The following KRR1 variants were observed in gnomAD, a reference collection of about 807,000 sequenced individuals.
The protein encoded by KRR1 is KRR1 small subunit processome component homolog.
In KRR1, 23 loss-of-function variants were observed where a neutral mutation model predicts 50.0. That is an observed-to-expected ratio of 0.46 (90% confidence interval 0.33 to 0.65). KRR1 has a LOEUF of 0.65. Ranked by LOEUF, KRR1 falls within the 30% of genes least tolerant of loss-of-function variation. The pLI is 0.02. For missense variants in KRR1, 419 were observed against 442.4 expected (o/e 0.95, Z 0.47); for synonymous variants, 133 against 146.3 (o/e 0.91, Z 0.66).
Position 75,498,512 on chromosome 12 carries a change from C to CTTAAAAATACCAAGTTAA in KRR1, c.*1279_*1296dup. ...TTATAAAGTTTATGTAAAAAGTCAA[C>CTTAAAAATACCAAGTTAA]TTAAAAATACCAAGTTAATTCAGTC... On this transcript the variant is annotated 3_prime_UTR_variant, in exon 10 of 10. Transcript: ENST00000229214. 1.9e-6 allele frequency: 1 copy of CTTAAAAATACCAAGTTAA among 533,316 alleles called. No homozygotes were observed. The highest frequency in any genetic ancestry group is 1.9e-5 in the African/African-American group (1 of 52,052). The allele number at this position is 533,316 out of a possible 1,614,324, so 33.0% of individuals were successfully genotyped here. A position where few individuals can be genotyped will look rare whatever the true frequency, so the allele number is the denominator to read the frequency against.
At position 75,504,629 on chromosome 12, in the gene KRR1, CTT is replaced by C. The variant is rs531907037; in HGVS notation, c.661-557_661-556del. On this transcript the variant is annotated intron_variant, in intron 6 of 9. Transcript: ENST00000229214. ...TCACTTTCCCCCAATCTAACAGTGA[CTT>C]TATAACTTAAGTTCATCAAATTTAA... Among the ~76,000 whole-genome samples, 606 of 152,156 alleles carry C rather than the reference CTT, an allele frequency of 4.0e-3. 2 individuals are homozygous for C. Among genetic ancestry groups the C allele is most frequent in the Non-Finnish European group, 5.4e-3 (369 of 67,940 alleles).
rs1594061636 is a variant in KRR1 at position 75,495,780 on chromosome 12, A to G, written c.*4029T>C. The G allele has an allele frequency of 1.6e-6, 1 of 611,724 alleles. No individual in the cohort carries two copies. Among genetic ancestry groups the G allele is most frequent in the East Asian group, 2.8e-5 (1 of 35,350 alleles). The allele number at this position is 611,724 out of a possible 1,614,324, so 37.9% of individuals were successfully genotyped here. A position where few individuals can be genotyped will look rare whatever the true frequency, so the allele number is the denominator to read the frequency against. On this transcript the variant is annotated 3_prime_UTR_variant, in exon 10 of 10. Transcript: ENST00000229214. ...GGCTATCTTCAAGGAAACTGGCATC[A>G]AGTAGCAATTAAACCAATGGCTTAC...
At position 75,498,741 on chromosome 12, in the gene KRR1, T is replaced by C. The variant is rs1022969224; in HGVS notation, c.*1068A>G. ...CAAACGTACGTACATCAATCTTAAATTGTTTCATTAAGAGCTATGTGAATT... is the reference window on the plus strand; with the variant it reads ...CAAACGTACGTACATCAATCTTAAACTGTTTCATTAAGAGCTATGTGAATT... On this transcript the variant is annotated 3_prime_UTR_variant, in exon 10 of 10. Transcript: ENST00000229214. 4.3e-6 allele frequency: 7 copies of C among 1,609,972 alleles called. No homozygotes were observed. Among genetic ancestry groups the C allele is most frequent in the African/African-American group, 1.3e-5 (1 of 74,796 alleles).
In KRR1 at chr12:75,497,375, T is replaced by C. The variant is rs573710731; in HGVS notation, c.*2434A>G. ...TCCAATAATGAAAACCCTTGGACTCTTGAGAAAACACATGCTAACTTGTAT... is the reference window on the plus strand; with the variant it reads ...TCCAATAATGAAAACCCTTGGACTCCTGAGAAAACACATGCTAACTTGTAT... On this transcript the variant is annotated 3_prime_UTR_variant, in exon 10 of 10. Transcript: ENST00000229214. 1.3e-5 allele frequency: 2 copies of C among 152,326 alleles called. No individual in the cohort carries two copies. The highest frequency in any genetic ancestry group is 4.1e-4 in the South Asian group (2 of 4,824). 9.4% of individuals were successfully genotyped at this position (152,326 alleles called of 1,614,324 possible).
chr12:75,495,428 C>G lies in KRR1; in HGVS notation c.*4381G>C. 1.7e-6 allele frequency: 1 copy of G among 573,660 alleles called. No homozygotes were observed. Among genetic ancestry groups the G allele is most frequent in the East Asian group, 2.8e-5 (1 of 35,304 alleles). 35.5% of individuals were successfully genotyped at this position (573,660 alleles called of 1,614,324 possible). On this transcript the variant is annotated 3_prime_UTR_variant, in exon 10 of 10. Transcript: ENST00000229214. Reference sequence around the variant, plus strand: ...TGCAAATATTAGCAGCCTTCCATTTCTGCCTTCCTGTCTTCACTTCTATTA... The same window carrying G: ...TGCAAATATTAGCAGCCTTCCATTTGTGCCTTCCTGTCTTCACTTCTATTA...
intron 9 of KRR1, chr12:75,500,210 G>A: frequency 8.6e-6 from 2 of 231,732 alleles, no homozygotes; most frequent in Non-Finnish European, 1.6e-5. Context: ...GGCATAAATG[G>A]CATAATTGAA....
Position 75,498,504 on chromosome 12 carries a change from A to AAAG in KRR1, c.*1302_*1304dup. The AAAG allele has an allele frequency of 3.8e-6, 2 of 530,974 alleles. 1 individual carries two copies. Among genetic ancestry groups the AAAG allele is most frequent in the Middle Eastern group, 9.7e-4 (2 of 2,064 alleles). The allele number at this position is 530,974 out of a possible 1,614,324, so 32.9% of individuals were successfully genotyped here. ...TAAAAGGTTTATAAAGTTTATGTAA[A>AAAG]AAGTCAACTTAAAAATACCAAGTTA... On this transcript the variant is annotated 3_prime_UTR_variant, in exon 10 of 10. Coordinates refer to ENST00000229214, the MANE Select transcript of KRR1 (RefSeq NM_007043.7).
Position 75,491,095 on chromosome 12 carries a change from T to A in KRR1, c.*8714A>T, listed in dbSNP as rs1479867853. On this transcript the variant is annotated 3_prime_UTR_variant, in exon 10 of 10. Transcript: ENST00000229214. ...AATCTGATCATACTGAAAATATACA[T>A]TTTCTATTTTTCACTTAAAATTATG... 6.6e-6 allele frequency: 1 copy of A among 152,192 alleles called. No homozygotes were observed. Among genetic ancestry groups the A allele is most frequent in the Non-Finnish European group, 1.5e-5 (1 of 68,024 alleles). The allele number at this position is 152,192 out of a possible 1,614,324, so 9.4% of individuals were successfully genotyped here.
At position 75,498,975 on chromosome 12, in the gene KRR1, C is replaced by CTAA; in HGVS notation, c.*831_*833dup. The stretch of plus-strand genomic sequence containing the variant: ...AGTACCCTAATTTAGTTCTTTTGGA[C>CTAA]TAATACAATTCAGGAAAGAAAAAAC... On this transcript the variant is annotated 3_prime_UTR_variant, in exon 10 of 10. Transcript: ENST00000229214. The CTAA allele has an allele frequency of 6.4e-7, 1 of 1,573,048 alleles. No homozygotes were observed. Among genetic ancestry groups the CTAA allele is most frequent in the East Asian group, 2.3e-5 (1 of 44,196 alleles).
chr12:75,506,851 A>C lies in KRR1; in HGVS notation c.324T>G (p.Phe108Leu). The C allele has an allele frequency of 6.2e-7, 1 of 1,613,384 alleles. No individual in the cohort carries two copies. Among genetic ancestry groups the C allele is most frequent in the Non-Finnish European group, 8.5e-7 (1 of 1,179,528 alleles). Residue 108 changes from phenylalanine (F) to leucine (L), a missense_variant, in exon 3 of 10, where the codon TTT becomes TTG. Coordinates refer to ENST00000229214, the MANE Select transcript of KRR1 (RefSeq NM_007043.7). ...TGGCCCTAATGATGATATATGGATC[A>C]AAAGTCTTCTTTGTAGTACAAACAG... ...SMTVCTTKKT[F>L]DPYIIIRARD...
In KRR1 at chr12:75,506,557, G is replaced by A. The variant is rs746421178; in HGVS notation, c.446C>T (p.Ser149Phe). 1.3e-6 allele frequency: 2 copies of A among 1,525,572 alleles called. No homozygotes were observed. Among genetic ancestry groups the A allele is most frequent in the Admixed American group, 3.8e-5 (2 of 52,786 alleles). 94.5% of individuals were successfully genotyped at this position (1,525,572 alleles called of 1,614,324 possible). The change falls in exon 4 of 10, where the codon TCT becomes TTT. Residue 149 changes from serine to phenylalanine, a missense_variant. Transcript: ENST00000229214. The stretch of plus-strand genomic sequence containing the variant: ...AAATCTCTCTTTATTCCTTACTAAA[G>A]AACCTATTTTAATGATGTCACATGC... ...DVACDIIKIG[S>F]LVRNKERFVK... is the part of the protein sequence containing the mutation.
intron 2 of KRR1, among the ~76,000 whole-genome samples, chr12:75,507,556 A>G (rs975530755): frequency 2.0e-5 from 3 of 151,396 alleles, no homozygotes; most frequent in Non-Finnish European, 4.4e-5. Context: ...TGAGTTTACA[A>G]AAAAAAAATG....
rs1033004934 is a variant in KRR1, at chr12:75,498,420, G to T, written c.*1389C>A. 1 of 292,644 alleles carries T rather than the reference G, an allele frequency of 3.4e-6. No homozygotes were observed. The highest frequency in any genetic ancestry group is 6.2e-6 in the Non-Finnish European group (1 of 160,214). 18.1% of individuals were successfully genotyped at this position (292,644 alleles called of 1,614,324 possible). ...TTTTATTTTTTAAATTTTATTACCT[G>T]CTAGGTATGATGTGTAAAATGATTT... On this transcript the variant is annotated 3_prime_UTR_variant, in exon 10 of 10. Coordinates refer to ENST00000229214, the MANE Select transcript of KRR1 (RefSeq NM_007043.7).
chr12:75,498,524 A>T lies in KRR1; in HGVS notation c.*1285T>A. 1 of 551,106 alleles carries T rather than the reference A, an allele frequency of 1.8e-6. No homozygotes were observed. The allele number at this position is 551,106 out of a possible 1,614,324, so 34.1% of individuals were successfully genotyped here. ...TGTAAAAAGTCAACTTAAAAATACCAAGTTAATTCAGTCAGTTCAAAAAGT... is the reference window on the plus strand; with the variant it reads ...TGTAAAAAGTCAACTTAAAAATACCTAGTTAATTCAGTCAGTTCAAAAAGT... On this transcript the variant is annotated 3_prime_UTR_variant, in exon 10 of 10. Transcript: ENST00000229214.
Position 75,495,598 on chromosome 12 carries a change from A to T in KRR1, c.*4211T>A, listed in dbSNP as rs917065860. Reference sequence around the variant, plus strand: ...ACAGAGGGAATTACCCAACTTGGCCATATAAGAGAGGAGCCACCTGCAGTG... The same window carrying T: ...ACAGAGGGAATTACCCAACTTGGCCTTATAAGAGAGGAGCCACCTGCAGTG... On this transcript the variant is annotated 3_prime_UTR_variant, in exon 10 of 10. Coordinates refer to ENST00000229214, the MANE Select transcript of KRR1 (RefSeq NM_007043.7). The T allele has an allele frequency of 6.2e-7, 1 of 1,608,798 alleles. No homozygotes were observed. The highest frequency in any genetic ancestry group is 8.5e-7 in the Non-Finnish European group (1 of 1,175,234).
At position 75,495,807 on chromosome 12, in the gene KRR1, G is replaced by T; in HGVS notation, c.*4002C>A. The T allele has an allele frequency of 2.0e-6, 1 of 507,932 alleles. No homozygotes were observed. Among genetic ancestry groups the T allele is most frequent in the Non-Finnish European group, 3.6e-6 (1 of 276,278 alleles). The allele number at this position is 507,932 out of a possible 1,614,324, so 31.5% of individuals were successfully genotyped here. A position where few individuals can be genotyped will look rare whatever the true frequency, so the allele number is the denominator to read the frequency against. On this transcript the variant is annotated 3_prime_UTR_variant, in exon 10 of 10. Transcript: ENST00000229214. ...GTAGCAATTAAACCAATGGCTTACTGTTCTAGGAATACATTTAAGAGAAAT... is the reference window on the plus strand; with the variant it reads ...GTAGCAATTAAACCAATGGCTTACTTTTCTAGGAATACATTTAAGAGAAAT...
rs977360374 is a variant in KRR1, at chr12:75,494,345, C to T, written c.*5464G>A. On this transcript the variant is annotated 3_prime_UTR_variant, in exon 10 of 10. Transcript: ENST00000229214. ...CCTTTCATTATGAATGAAGACAACACTCCACCATCATATTAGCAATAAACG... is the reference window on the plus strand; with the variant it reads ...CCTTTCATTATGAATGAAGACAACATTCCACCATCATATTAGCAATAAACG... The T allele has an allele frequency of 6.6e-6, 1 of 152,144 alleles. No individual in the cohort carries two copies. Among genetic ancestry groups the T allele is most frequent in the Admixed American group, 6.5e-5 (1 of 15,276 alleles). The allele number at this position is 152,144 out of a possible 1,614,324, so 9.4% of individuals were successfully genotyped here.
rs1176377760 is a variant in KRR1 at position 75,493,388 on chromosome 12, A to G, written c.*6421T>C. The G allele has an allele frequency of 6.6e-6, 1 of 152,074 alleles. No individual in the cohort carries two copies. The highest frequency in any genetic ancestry group is 1.9e-4 in the East Asian group (1 of 5,172). The allele number at this position is 152,074 out of a possible 1,614,324, so 9.4% of individuals were successfully genotyped here. ...CTTAGGAAGTCCAGTATCCTCCTCA[A>G]TATTTCTGATACCTCAGAATGGGGT... On this transcript the variant is annotated 3_prime_UTR_variant, in exon 10 of 10. Coordinates refer to ENST00000229214, the MANE Select transcript of KRR1 (RefSeq NM_007043.7).
intron 2 of KRR1, among the ~76,000 whole-genome samples, chr12:75,507,446 A>G (rs1424641639): frequency 6.6e-6 from 1 of 152,246 alleles, no homozygotes; most frequent in Non-Finnish European, 1.5e-5. Flanking sequence ...AGATTTCAAC[A>G]AAGCGAATTA....
Sources: gnomAD v4.1 joint callset for allele counts (sites outside exome capture counted in the v4.1 genomes callset) on GRCh38, gnomAD v4.1.1 for gene constraint, MANE v1.5 for transcripts, NCBI Gene and HGNC (gene_info 2026-07-23, HGNC 2026-07-21) for gene names.